Variants in FADS6 observed in about 807,000 individuals in gnomAD.
FADS6 encodes fatty acid desaturase domain family, member 6.
A neutral mutation model predicts 31.7 loss-of-function variants in FADS6; 28 were observed. That is an observed-to-expected ratio of 0.88 (90% CI 0.66 to 1.21). The LOEUF (loss-of-function observed/expected upper bound fraction) is 1.21. Ranked by LOEUF, FADS6 falls within the 50% of genes most tolerant of loss-of-function variation. The pLI, the probability that FADS6 is intolerant of heterozygous loss-of-function variation, is 0.00. For missense variants in FADS6, 494 were observed against 504.2 expected (o/e 0.98, Z 0.19); for synonymous variants, 191 against 213.1 (o/e 0.90, Z 0.90).
At chr17:74,885,753 T>C (rs1446535401) in intron 2 of FADS6, among the ~76,000 whole-genome samples, 1 of 152,192 alleles carries the variant, frequency 6.6e-6, no homozygotes, top group Non-Finnish European at 1.5e-5. Flanking sequence ...CGTCCCATCT[T>C]CTGCCTTGTC....
intron 2 of FADS6, among the ~76,000 whole-genome samples, chr17:74,883,389 G>A (rs116745471): frequency 0.016 from 2,489 of 152,328 alleles, 57 homozygotes; most frequent in African/African-American, 0.056. Flanking sequence ...CATGCAAATG[G>A]TATGCAGATG....
At chr17:74,885,177 C>A (rs1444864146) in intron 2 of FADS6, among the ~76,000 whole-genome samples, 1 of 152,084 alleles carries the variant, frequency 6.6e-6, no homozygotes, top group Non-Finnish European at 1.5e-5. Context: ...GGGGTTACTG[C>A]CTTTGTTGGC....
chr17:74,881,693 C>G (rs1466324954), intron 3 of FADS6, among the ~76,000 whole-genome samples: 1 of 150,410 alleles, frequency 6.6e-6, no homozygotes, highest in Non-Finnish European at 1.5e-5. Context: ...TGAGATTGTG[C>G]CACTGCACTC....
In FADS6 at chr17:74,893,583, C is replaced by G. The variant is rs1366386342; in HGVS notation, c.13G>C (p.Glu5Gln). 1 of 1,427,008 alleles carries G rather than the reference C, an allele frequency of 7.0e-7. No individual in the cohort carries two copies. 88.4% of individuals were successfully genotyped at this position (1,427,008 alleles called of 1,614,324 possible). A position where few individuals can be genotyped will look rare whatever the true frequency, so the allele number is the denominator to read the frequency against. The change falls in exon 1 of 6, where the codon GAG becomes CAG. Residue 5 changes from glutamate to glutamine, a missense_variant. Transcript: ENST00000612771. ...ATGGGCTCCGTAGGTTCCATCGGCT[C>G]CGTGGGTTCCATGGACTCTGTGGGC... MEPT[E>Q]PMEPTEPMEP...
chr17:74,883,450 T>C (rs2038594473), intron 2 of FADS6, among the ~76,000 whole-genome samples: 1 of 152,150 alleles, frequency 6.6e-6, no homozygotes, highest in African/African-American at 2.4e-5. Flanking sequence ...CTAATTTTAT[T>C]GAAGATGCTG....
Position 74,893,340 on chromosome 17 carries a change from C to A in FADS6, c.244+12G>T. On this transcript the variant is annotated intron_variant, in intron 1 of 5. Coordinates refer to ENST00000612771, the MANE Select transcript of FADS6 (RefSeq NM_178128.6). The stretch of plus-strand genomic sequence containing the variant: ...CAGCCCGGCCGGGACGCCGGGTCCC[C>A]GCGTTCCTCACCTGCCGGCAAGGCG... 2 of 1,510,628 alleles carry A rather than the reference C, an allele frequency of 1.3e-6. No individual in the cohort carries two copies. The highest frequency in any genetic ancestry group is 1.4e-5 in the African/African-American group (1 of 69,080). 93.6% of individuals were successfully genotyped at this position (1,510,628 alleles called of 1,614,324 possible). A position where few individuals can be genotyped will look rare whatever the true frequency, so the allele number is the denominator to read the frequency against.
At chr17:74,890,793 C>T (rs767641443) in intron 2 of FADS6, among the ~76,000 whole-genome samples, 1 of 152,078 alleles carries the variant, frequency 6.6e-6, no homozygotes, top group African/African-American at 2.4e-5. Context: ...AGTAGAGAAG[C>T]CCAGGAAGGC....
At chr17:74,882,461 C>A in intron 3 of FADS6, 69 bp downstream of exon 3, 1 of 1,497,440 alleles carries the variant, frequency 6.7e-7, no homozygotes, top group South Asian at 1.3e-5. Flanking sequence ...CATGAAGCCA[C>A]GCAGGGGAGG....
chr17:74,890,497 A>C (rs1598564440), intron 2 of FADS6, among the ~76,000 whole-genome samples: 3 of 152,260 alleles, frequency 2.0e-5, no homozygotes, highest in African/African-American at 7.2e-5. Flanking sequence ...ACTGCAGTCC[A>C]CCAGGCAGGT....
chr17:74,888,138 ACACACACACACACACACGCGCGCGCGCG>A (rs1368669350), intron 2 of FADS6, among the ~76,000 whole-genome samples: 3 of 108,752 alleles, frequency 2.8e-5, no homozygotes, highest in African/African-American at 9.2e-5. Context: ...ACACACACAC[ACACACACACACACACACGCGCGCGCGCG>A]CGCGCGCAGA....
At chr17:74,887,989 G>GT (rs765645309) in intron 2 of FADS6, among the ~76,000 whole-genome samples, 68 of 152,180 alleles carry the variant, frequency 4.5e-4, no homozygotes, top group Admixed American at 8.5e-4. Context: ...CCCAGCCAGG[G>GT]TTTTTTATTA....
downstream of FADS6, among the ~76,000 whole-genome samples, chr17:74,874,991 C>CCAGT (rs1279133209): frequency 3.3e-5 from 5 of 152,098 alleles, no homozygotes; most frequent in Non-Finnish European, 7.4e-5. Flanking sequence ...GGATGGGGAC[C>CCAGT]CAGTCTCAGC....
In FADS6 at chr17:74,893,327, G is replaced by A. The variant is rs1165542775; in HGVS notation, c.244+25C>T. ...CCGCCCCCACCCGCAGCCCGGCCGGGACGCCGGGTCCCCGCGTTCCTCACC... is the reference window on the plus strand; with the variant it reads ...CCGCCCCCACCCGCAGCCCGGCCGGAACGCCGGGTCCCCGCGTTCCTCACC... On this transcript the variant is annotated intron_variant, in intron 1 of 5. Transcript: ENST00000612771. The A allele has an allele frequency of 7.3e-6, 11 of 1,503,622 alleles. No individual in the cohort carries two copies. In the East Asian group the frequency reaches 2.5e-4, roughly 34 times the overall value. 93.1% of individuals were successfully genotyped at this position (1,503,622 alleles called of 1,614,324 possible). A position where few individuals can be genotyped will look rare whatever the true frequency, so the allele number is the denominator to read the frequency against.
rs1245776199 is a variant in FADS6, at chr17:74,879,436, A to G, written c.928T>C (p.Phe310Leu). 6.2e-7 allele frequency: 1 copy of G among 1,613,878 alleles called. No homozygotes were observed. Among genetic ancestry groups the G allele is most frequent in the African/African-American group, 1.3e-5 (1 of 75,026 alleles). The part of the protein sequence containing the change: ...IISCHVEHHL[F>L]PRLSDNMCLK... ...CACATGTTATCAGAGAGCCTGGGGA[A>G]TAGATGGTGTTCCACATGGCAGCTG... The change falls in exon 5 of 6, where the codon TTC (phenylalanine) becomes CTC (leucine). Residue 310 changes from phenylalanine to leucine, a missense_variant. Physicochemically the swap from Phe to Leu is conservative, Grantham distance 22. This residue lies in a region of FADS6 where 454 missense variants were observed against 438.5 expected (regional missense o/e 1.04). Transcript: ENST00000612771.
chr17:74,881,562 C>T (rs76908389), intron 3 of FADS6, among the ~76,000 whole-genome samples: 1 of 151,682 alleles, frequency 6.6e-6, no homozygotes, highest in Non-Finnish European at 1.5e-5. Context: ...TGCTGGGCGT[C>T]GTGGCGCACA....
At chr17:74,891,332 G>C (rs511421) in intron 2 of FADS6, among the ~76,000 whole-genome samples, 15,467 of 151,672 alleles carry the variant, frequency 0.1, 1,300 homozygotes, top group African/African-American at 0.23. Flanking sequence ...GCCACCGCGC[G>C]CAGCCTCAGT....
Position 74,877,624 on chromosome 17 carries a change from C to T in FADS6, c.*707G>A, listed in dbSNP as rs1395739264. The stretch of plus-strand genomic sequence containing the variant: ...CTGGGATTACAGGCATGAGCCACCG[C>T]CCCTGGCTGGCTATTTATACTCTTT... On this transcript the variant is annotated 3_prime_UTR_variant, in exon 6 of 6. Coordinates refer to ENST00000612771, the MANE Select transcript of FADS6 (RefSeq NM_178128.6). 15 of 938,392 alleles carry T rather than the reference C, an allele frequency of 1.6e-5. No homozygotes were observed. Among genetic ancestry groups the T allele is most frequent in the Non-Finnish European group, 1.9e-5 (15 of 787,334 alleles). 58.1% of individuals were successfully genotyped at this position (938,392 alleles called of 1,614,324 possible).
chr17:74,891,405 G>A (rs2038687489), intron 2 of FADS6, among the ~76,000 whole-genome samples: 1 of 152,010 alleles, frequency 6.6e-6, no homozygotes, highest in Non-Finnish European at 1.5e-5. Flanking sequence ...TTATGACACA[G>A]TCCATGTCAC....
rs139915727 is a variant in FADS6, at chr17:74,887,296, G to A, written c.412-4586C>T. Among the ~76,000 whole-genome samples the A allele has an allele frequency of 2.6e-4, 40 of 152,238 alleles. 1 individual carries two copies. The East Asian group carries it at 7.3e-3, about 28-fold the overall frequency. ...GACAGGCTCTCGCTGTGTTGCCCAG[G>A]CTGGTCTCAAACTCCTGGGCTCAAG... On this transcript the variant is annotated intron_variant, in intron 2 of 5. Transcript: ENST00000612771.
Sources: gnomAD v4.1 joint callset for allele counts (sites outside exome capture counted in the v4.1 genomes callset) on GRCh38, gnomAD v4.1.1 for gene constraint, gnomAD v4.1.1 regional missense constraint, MANE v1.5 for transcripts, NCBI Gene and HGNC (gene_info 2026-07-23, HGNC 2026-07-21) for gene names.